The following KCNH1 variants were observed in gnomAD, a reference collection of about 807,000 sequenced individuals.
KCNH1 encodes potassium voltage-gated channel subfamily H member 1, also known as voltage-gated delayed rectifier potassium channel KCNH1.
In KCNH1, 27 loss-of-function variants were observed where a neutral mutation model predicts 69.2. The ratio of observed to expected loss-of-function variants is 0.39; its 90% CI spans 0.29 to 0.54. The LOEUF is 0.54. Ranked by LOEUF, KCNH1 falls within the 20% of genes least tolerant of loss-of-function variation. The pLI is 0.68. For missense variants in KCNH1, 798 were observed against 1,261.6 expected, an observed-to-expected ratio of 0.63 and a Z score of 5.57; for synonymous variants, 456 against 487.7, an observed-to-expected ratio of 0.93 and a Z score of 0.86.
chr1:210,698,295 T>C (rs754487151), intron 10 of KCNH1, among the ~76,000 whole-genome samples: 10 of 151,844 alleles, frequency 6.6e-5, no homozygotes, highest in Non-Finnish European at 4.4e-5. Context: ...CCAAGATCTG[T>C]TCTGACCACC....
intron 6 of KCNH1, among the ~76,000 whole-genome samples, chr1:210,937,844 A>G (rs1400479788): frequency 6.6e-6 from 1 of 152,224 alleles, no homozygotes; most frequent in Non-Finnish European, 1.5e-5. Context: ...CTGGTTCCCA[A>G]AGCACCTCTC....
intron 7 of KCNH1, among the ~76,000 whole-genome samples, chr1:210,905,615 A>G (rs899278944): frequency 1.3e-5 from 2 of 150,886 alleles, no homozygotes; most frequent in Non-Finnish European, 1.5e-5. Context: ...AGCTTAGAGC[A>G]AAAGAGTTCT....
At chr1:210,917,253 AAGAAAGAAAGAAAG>A (rs1687361855) in intron 7 of KCNH1, among the ~76,000 whole-genome samples, 1 of 148,530 alleles carries the variant, frequency 6.7e-6, no homozygotes, top group African/African-American at 2.5e-5. Flanking sequence ...GAAAGAAAGA[AAGAAAGAAAGAAAG>A]AAAGAAAGAA....
chr1:210,831,984 T>TAATG (rs1024987853), intron 7 of KCNH1, among the ~76,000 whole-genome samples: 1 of 151,898 alleles, frequency 6.6e-6, no homozygotes, highest in African/African-American at 2.4e-5. Context: ...TATTTAACTT[T>TAATG]AATTTCAATT....
intron 9 of KCNH1, among the ~76,000 whole-genome samples, chr1:210,787,518 A>C (rs771500391): frequency 8.5e-5 from 13 of 152,170 alleles, no homozygotes; most frequent in Non-Finnish European, 1.8e-4. Context: ...ACTGTACCTG[A>C]TGCGTTTCAC....
In KCNH1 at chr1:210,684,262, G is replaced by T. The variant is rs974467610; in HGVS notation, c.2113-124C>A. On this transcript the variant is annotated intron_variant, in intron 10 of 10. Coordinates refer to ENST00000271751, the MANE Select transcript of KCNH1 (RefSeq NM_172362.3). ...AGTCCACCTGCCACCAAGAGGCTGG[G>T]GCTCACAGCCTACAAGGCCTCATGA... 8 of 1,049,936 alleles carry T rather than the reference G, an allele frequency of 7.6e-6. No individual in the cohort carries two copies. The Admixed American group carries it at 1.9e-4, about 25-fold the overall frequency. The allele number at this position is 1,049,936 out of a possible 1,614,324, so 65.0% of individuals were successfully genotyped here. A position where few individuals can be genotyped will look rare whatever the true frequency, so the allele number is the denominator to read the frequency against.
chr1:210,800,001 T>C (rs1312942929), intron 8 of KCNH1, among the ~76,000 whole-genome samples: 1 of 152,228 alleles, frequency 6.6e-6, no homozygotes, highest in Non-Finnish European at 1.5e-5. Context: ...ACTGTTAACA[T>C]TGACTTGTGA....
At chr1:211,020,776 A>G (rs1689574192) in intron 5 of KCNH1, among the ~76,000 whole-genome samples, 1 of 152,010 alleles carries the variant, frequency 6.6e-6, no homozygotes, top group Non-Finnish European at 1.5e-5. Flanking sequence ...CAGAACATCA[A>G]AAAAAAGGTA....
intron 6 of KCNH1, among the ~76,000 whole-genome samples, chr1:211,010,351 C>T (rs1689371421): frequency 6.6e-6 from 1 of 152,108 alleles, no homozygotes; most frequent in South Asian, 2.1e-4. Context: ...TTCCTAGGTA[C>T]ACCTTCAAAA....
intron 7 of KCNH1, among the ~76,000 whole-genome samples, chr1:210,829,500 A>C (rs1053126441): frequency 6.6e-6 from 1 of 151,976 alleles, no homozygotes; most frequent in Admixed American, 6.6e-5. Flanking sequence ...TCGACTCCCC[A>C]TGTCACTCAG....
At chr1:210,931,823 G>A (rs1470734315) in intron 6 of KCNH1, among the ~76,000 whole-genome samples, 2 of 147,038 alleles carry the variant, frequency 1.4e-5, no homozygotes, top group East Asian at 1.9e-4. Context: ...AATCTTGGAG[G>A]TGAAGTCAGT....
chr1:210,871,472 A>G (rs1686244682), intron 7 of KCNH1, among the ~76,000 whole-genome samples: 1 of 152,178 alleles, frequency 6.6e-6, no homozygotes, highest in Non-Finnish European at 1.5e-5. Flanking sequence ...AACCAGTTCA[A>G]CCATTGTGGA....
At chr1:210,881,017 A>C (rs6666733) in intron 7 of KCNH1, among the ~76,000 whole-genome samples, 1 of 112,464 alleles carries the variant, frequency 8.9e-6, no homozygotes, top group African/African-American at 3.4e-5. Context: ...AAACAGTAAT[A>C]TTTTTTTTTT....
At chr1:211,031,690 G>A (rs1308025828) in intron 5 of KCNH1, among the ~76,000 whole-genome samples, 4 of 152,114 alleles carry the variant, frequency 2.6e-5, no homozygotes, top group African/African-American at 9.7e-5. Flanking sequence ...TGCAGAAAAG[G>A]CCTTTAACAA....
chr1:210,699,145 C>A (rs1287085645), intron 10 of KCNH1, among the ~76,000 whole-genome samples: 3 of 152,208 alleles, frequency 2.0e-5, no homozygotes, highest in Non-Finnish European at 4.4e-5. Flanking sequence ...ACAATAGGCT[C>A]TGTGGAGTAG....
intron 6 of KCNH1, among the ~76,000 whole-genome samples, chr1:210,935,413 A>G (rs775219582): frequency 3.2e-4 from 48 of 152,174 alleles, no homozygotes; most frequent in Non-Finnish European, 5.6e-4. Context: ...CAAAATTACA[A>G]CTTGAGAGGA....
At chr1:211,042,719 C>A (rs7512567) in intron 5 of KCNH1, among the ~76,000 whole-genome samples, 34,079 of 151,956 alleles carry the variant, frequency 0.22, 3,962 homozygotes, top group Non-Finnish European at 0.25. Flanking sequence ...TATGATAGGC[C>A]ACAAAAACAA....
chr1:210,951,302 A>G (rs1248176108), intron 6 of KCNH1, among the ~76,000 whole-genome samples: 1 of 152,242 alleles, frequency 6.6e-6, no homozygotes, highest in African/African-American at 2.4e-5. Flanking sequence ...CTGAGAAAAC[A>G]TAAAGAGGAA....
intron 10 of KCNH1, among the ~76,000 whole-genome samples, chr1:210,750,179 G>A (rs574090066): frequency 6.6e-6 from 1 of 152,308 alleles, no homozygotes; most frequent in South Asian, 2.1e-4. Flanking sequence ...GCTCCTTTGA[G>A]CCTCAGATTC....
Sources: gnomAD v4.1 joint callset for allele counts (sites outside exome capture counted in the v4.1 genomes callset) on GRCh38, gnomAD v4.1.1 for gene constraint, MANE v1.5 for transcripts, NCBI Gene and HGNC (gene_info 2026-07-23, HGNC 2026-07-21) for gene names.